TBC1D25: variants seen among roughly 807,000 people sequenced by gnomAD.
TBC1D25 encodes 5SN3 snoRNA.
In TBC1D25, 13 loss-of-function variants were observed where a neutral mutation model predicts 38.8. That is an observed-to-expected ratio of 0.34 (90% CI 0.22 to 0.53). The LOEUF is 0.53. Among genes scored for constraint, TBC1D25 ranks in the 20% least tolerant of loss-of-function variants. The probability of loss-of-function intolerance (pLI) is 0.94; values close to 1 mark genes in which losing one functional copy is unlikely to be tolerated. For synonymous variants in TBC1D25, 225 were observed against 255.6 expected (o/e 0.88, Z 1.14); for missense variants, 372 against 600.0 (o/e 0.62, Z 3.97).
chrX:48,557,087 C>G (rs2061981834), intron 3 of TBC1D25, among the ~76,000 whole-genome samples: 1 of 107,982 alleles, frequency 9.3e-6, no homozygotes, highest in African/African-American at 3.4e-5. Context: ...ATCATCCACG[C>G]ATGGTGGCAC....
Position 48,561,119 on chromosome X carries a change from T to C in TBC1D25, c.*144T>C. The C allele has an allele frequency of 1.5e-6, 1 of 675,474 alleles. No homozygotes were observed. The highest frequency in any genetic ancestry group is 2.1e-6 in the Non-Finnish European group (1 of 469,995). The allele number at this position is 675,474 out of a possible 1,213,427, so 55.7% of individuals were successfully genotyped here. ...AGCCCTTCCTCCCCAGGCCTAAGTATGTGGAGCTCTGCTTTGGCACTGCCC... is the reference window on the plus strand; with the variant it reads ...AGCCCTTCCTCCCCAGGCCTAAGTACGTGGAGCTCTGCTTTGGCACTGCCC... On this transcript the variant is annotated 3_prime_UTR_variant, in exon 6 of 6. Transcript: ENST00000376771.
rs1556986343 is a variant in TBC1D25 at position 48,561,166 on chromosome X, TTC to T, written c.*193_*194del. ...GCCCCGCAGAGGCCACGCCTATTTA[TTC>T]TGTTTCTGTTGTTTTGTTTTTAACA... On this transcript the variant is annotated 3_prime_UTR_variant, in exon 6 of 6. Coordinates refer to ENST00000376771, the MANE Select transcript of TBC1D25 (RefSeq NM_002536.4). The T allele has an allele frequency of 4.5e-6, 2 of 443,802 alleles. No homozygotes were observed. Among genetic ancestry groups the T allele is most frequent in the African/African-American group, 4.9e-5 (2 of 40,973 alleles). The allele number at this position is 443,802 out of a possible 1,213,427, so 36.6% of individuals were successfully genotyped here. A position where few individuals can be genotyped will look rare whatever the true frequency, so the allele number is the denominator to read the frequency against.
chrX:48,559,942 T>C lies in TBC1D25; in HGVS notation c.1034T>C (p.Met345Thr). 1 of 1,211,735 alleles carries C rather than the reference T, an allele frequency of 8.3e-7. No homozygotes were observed. Among genetic ancestry groups the C allele is most frequent in the Non-Finnish European group, 1.1e-6 (1 of 895,513 alleles). The change falls in exon 6 of 6, where the codon ATG becomes ACG. Residue 345 changes from methionine to threonine, a missense_variant. Met to Thr is a moderately conservative substitution (Grantham distance 81). Around this residue, in one of 2 missense-constraint regions of TBC1D25, gnomAD observed 312 missense variants for 549.3 expected, o/e 0.57. Coordinates refer to ENST00000376771, the MANE Select transcript of TBC1D25 (RefSeq NM_002536.4). ...SDLASPILAV[M>T]DHEGHAFVCF... The stretch of plus-strand genomic sequence containing the variant: ...CTTGCCTCACCCATCCTCGCTGTCA[T>C]GGACCATGAGGGCCATGCCTTTGTT...
intron 3 of TBC1D25, among the ~76,000 whole-genome samples, chrX:48,549,660 C>G (rs2061913622): frequency 8.9e-6 from 1 of 111,819 alleles, no homozygotes; most frequent in African/African-American, 3.2e-5. Context: ...TGCCACTACA[C>G]CTGGCTACTT....
intron 3 of TBC1D25, among the ~76,000 whole-genome samples, chrX:48,546,364 A>G (rs1556981781): frequency 9.7e-6 from 1 of 102,800 alleles, no homozygotes; most frequent in East Asian, 3.1e-4. Flanking sequence ...ATACAAAAAA[A>G]TAGCCGGGCG....
Position 48,560,230 on chromosome X carries a change from A to T in TBC1D25, c.1322A>T (p.His441Leu), listed in dbSNP as rs782723313. The T allele has an allele frequency of 1.2e-5, 14 of 1,211,102 alleles. No homozygotes were observed. In the South Asian group the frequency reaches 2.3e-4, roughly 20 times the overall value. ...WSSLPPDPPE[H>L]EVELVGPPSQ... ...TCGCTGCCCCCTGATCCTCCTGAAC[A>T]TGAGGTAGAGCTGGTTGGACCCCCC... is the stretch of plus-strand genomic sequence containing the variant. The change falls in exon 6 of 6, where the codon CAT (histidine) becomes CTT (leucine). Residue 441 changes from histidine (H) to leucine (L), a missense_variant. His to Leu is a moderately conservative substitution (Grantham distance 99). Transcript: ENST00000376771.
chrX:48,542,705 C>T (rs4824718), intron 2 of TBC1D25, among the ~76,000 whole-genome samples: 55,955 of 106,616 alleles, frequency 0.52, 11,858 homozygotes, highest in African/African-American at 0.77. Context: ...TCAAGTGATC[C>T]GCCCACCTCG....
chrX:48,559,797 C>T lies in TBC1D25; in HGVS notation c.889C>T (p.Arg297Trp). The change falls in exon 6 of 6, where the codon CGG becomes TGG. Residue 297 changes from arginine to tryptophan, a missense_variant. Physicochemically the swap from Arg to Trp is moderately radical, Grantham distance 101 (BLOSUM62 -3). Around this residue, in one of 2 missense-constraint regions of TBC1D25, gnomAD observed 312 missense variants for 549.3 expected, o/e 0.57. Transcript: ENST00000376771. ...CCTCAAGGATGTACTGCGCACTGACCGGGCCCACCCCTACTATGCGGGGCC... is the reference window on the plus strand; with the variant it reads ...CCTCAAGGATGTACTGCGCACTGACTGGGCCCACCCCTACTATGCGGGGCC... ...TVLKDVLRTD[R>W]AHPYYAGPED... is the part of the protein sequence containing the mutation. 3.3e-6 allele frequency: 4 copies of T among 1,211,891 alleles called. No homozygotes were observed. Among genetic ancestry groups the T allele is most frequent in the Non-Finnish European group, 2.2e-6 (2 of 895,508 alleles).
chrX:48,553,193 C>A (rs1301656722), intron 3 of TBC1D25, among the ~76,000 whole-genome samples: 1 of 109,024 alleles, frequency 9.2e-6, no homozygotes, highest in African/African-American at 3.3e-5. Context: ...ATATTACAAA[C>A]CCCCAATCAT....
At chrX:48,556,303 T>A (rs1556984423) in intron 3 of TBC1D25, among the ~76,000 whole-genome samples, 1 of 111,468 alleles carries the variant, frequency 9.0e-6, no homozygotes, top group Non-Finnish European at 1.9e-5. Flanking sequence ...GCAAACATAT[T>A]GTTAACAAGG....
chrX:48,560,024 CA>C lies in TBC1D25; in HGVS notation c.1117del (p.Met373TrpfsTer8). 1 of 1,210,696 alleles carries C rather than the reference CA, an allele frequency of 8.3e-7. No individual in the cohort carries two copies. The highest frequency in any genetic ancestry group is 1.1e-6 in the Non-Finnish European group (1 of 894,898). On this transcript the variant is annotated frameshift_variant, in exon 6 of 6. Coordinates refer to ENST00000376771, the MANE Select transcript of TBC1D25 (RefSeq NM_002536.4). LOFTEE classifies it high-confidence loss of function. ...CCAACTTCCACCCTGACGGCCGCGC[CA>C]TGGCCACCAAGTTTGCACACTTGAA... The part of the protein sequence containing the change: ...AANFHPDGRA[M>X]ATKFAHLKLL...
At chrX:48,541,551 C>A in intron 2 of TBC1D25, 109 bp downstream of exon 2, 1 of 745,660 alleles carries the variant, frequency 1.3e-6, no homozygotes, top group Non-Finnish European at 2.1e-6. Context: ...CAAATAATCC[C>A]ACAGTGAACA....
At position 48,561,656 on chromosome X, in the gene TBC1D25, T is replaced by C. The variant is rs1390132957; in HGVS notation, c.*681T>C. On this transcript the variant is annotated 3_prime_UTR_variant, in exon 6 of 6. Transcript: ENST00000376771. ...CCTCTCTGTGAGGTTTATGCACCAA[T>C]GCTGGCAGCCCTGGGCAGGGGCCTC... The C allele has an allele frequency of 1.8e-5, 2 of 112,570 alleles. No individual in the cohort carries two copies. The highest frequency in any genetic ancestry group is 3.8e-5 in the Non-Finnish European group (2 of 53,319). The allele number at this position is 112,570 out of a possible 1,213,427, so 9.3% of individuals were successfully genotyped here.
At chrX:48,553,745 C>T (rs1412236418) in intron 3 of TBC1D25, among the ~76,000 whole-genome samples, 2 of 106,812 alleles carry the variant, frequency 1.9e-5, no homozygotes, top group Non-Finnish European at 3.9e-5. Context: ...CTCAGCCTCC[C>T]GAGTGGCAGG....
intron 2 of TBC1D25, 57 bp from the exon 3 acceptor site, chrX:48,544,812 C>G: frequency 8.4e-7 from 1 of 1,188,634 alleles, no homozygotes; most frequent in South Asian, 1.8e-5. Flanking sequence ...TGGAAACTGT[C>G]CCTGAGGCCT....
rs1556979817 is a variant in TBC1D25, at chrX:48,540,026, TGAG to T, written c.123+107_123+109del. On this transcript the variant is annotated intron_variant, in intron 1 of 5. Transcript: ENST00000376771. Reference sequence around the variant, plus strand: ...GGGACCTGAGATTTCGGACATAACCTGAGCGGCGAAGCTTGAGGGCCAAGTGAT... The same window carrying T: ...GGGACCTGAGATTTCGGACATAACCTCGGCGAAGCTTGAGGGCCAAGTGAT... 2.1e-4 allele frequency: 188 copies of T among 916,982 alleles called. 1 individual carries two copies. In the East Asian group the frequency reaches 5.9e-3, roughly 29 times the overall value. 75.6% of individuals were successfully genotyped at this position (916,982 alleles called of 1,213,427 possible). A position where few individuals can be genotyped will look rare whatever the true frequency, so the allele number is the denominator to read the frequency against.
chrX:48,560,980 G>A lies in TBC1D25; in HGVS notation c.*5G>A. On this transcript the variant is annotated 3_prime_UTR_variant, in exon 6 of 6. Transcript: ENST00000376771. ...GAGGCCACAGCCGCATCTTGATCAG[G>A]CTTTCTCAAGCCCTCCATCGGCCCC... is the stretch of plus-strand genomic sequence containing the variant. 8.5e-7 allele frequency: 1 copy of A among 1,179,814 alleles called. No homozygotes were observed. Among genetic ancestry groups the A allele is most frequent in the Non-Finnish European group, 1.1e-6 (1 of 880,595 alleles).
intron 3 of TBC1D25, among the ~76,000 whole-genome samples, chrX:48,552,632 T>C (rs1319222739): frequency 9.1e-6 from 1 of 110,456 alleles, no homozygotes; most frequent in Non-Finnish European, 1.9e-5. Flanking sequence ...ATTATAGTCG[T>C]GAGTCACTGC....
chrX:48,558,875 G>A, intron 3 of TBC1D25, 22 bp from the exon 4 acceptor site: 5 of 1,210,865 alleles, frequency 4.1e-6, no homozygotes, highest in Non-Finnish European at 5.6e-6. Context: ...CATTCTTATA[G>A]CACTTTGTTC....
Sources: gnomAD v4.1 joint callset for allele counts (sites outside exome capture counted in the v4.1 genomes callset) on GRCh38, gnomAD v4.1.1 for gene constraint, gnomAD v4.1.1 regional missense constraint, MANE v1.5 for transcripts, NCBI Gene and HGNC (gene_info 2026-07-23, HGNC 2026-07-21) for gene names.